The following ATP8A1 variants were observed in gnomAD, a reference collection of about 807,000 sequenced individuals.
ATP8A1 encodes ATPase phospholipid transporting 8A1, also known as phospholipid-transporting ATPase IA.
ATP8A1 carries 90 observed loss-of-function variants against 177.7 expected under a neutral mutation model. That is an observed-to-expected ratio of 0.51 (90% CI 0.43 to 0.60). ATP8A1 has a LOEUF of 0.60. Among genes scored for constraint, ATP8A1 ranks in the 20% least tolerant of loss-of-function variants. The pLI is 0.00. For missense variants in ATP8A1, 1,072 were observed against 1,392.8 expected, an observed-to-expected ratio of 0.77 and a Z score of 3.67; for synonymous variants, 493 against 485.9, an observed-to-expected ratio of 1.01 and a Z score of -0.19.
chr4:42,604,868 A>G (rs1386444686), intron 5 of ATP8A1, among the ~76,000 whole-genome samples: 2 of 152,246 alleles, frequency 1.3e-5, no homozygotes, highest in Non-Finnish European at 2.9e-5. Flanking sequence ...GTGTGGATAC[A>G]ATGACATGAA....
intron 20 of ATP8A1, among the ~76,000 whole-genome samples, chr4:42,528,396 G>A (rs190459327): frequency 1.6e-3 from 250 of 152,270 alleles, no homozygotes; most frequent in African/African-American, 5.2e-3. Context: ...CTTGAAAGAC[G>A]CAGGGGTGGT....
At chr4:42,603,520 G>A (rs1735505322) in intron 5 of ATP8A1, among the ~76,000 whole-genome samples, 1 of 151,878 alleles carries the variant, frequency 6.6e-6, no homozygotes, top group Admixed American at 6.6e-5. Context: ...ATTTCTCTTT[G>A]TGAACAATGC....
chr4:42,569,259 C>T, intron 14 of ATP8A1, 54 bp from the exon 15 acceptor site: 1 of 1,446,760 alleles, frequency 6.9e-7, no homozygotes, highest in African/African-American at 1.4e-5. Flanking sequence ...CACAGAAAGG[C>T]TGGAAACATA....
Position 42,444,722 on chromosome 4 carries a change from T to C in ATP8A1, c.2959-88A>G, listed in dbSNP as rs1028705667. 8.6e-6 allele frequency: 11 copies of C among 1,284,200 alleles called. No homozygotes were observed. The African/African-American group carries it at 1.5e-4, about 17-fold the overall frequency. The allele number at this position is 1,284,200 out of a possible 1,614,324, so 79.6% of individuals were successfully genotyped here. ...AGGATTTATAAAGAACAGAGATCTC[T>C]GAATGTAACTATGGGACTAGGAGAC... On this transcript the variant is annotated intron_variant, in intron 31 of 36. Transcript: ENST00000381668.
At chr4:42,502,058 A>C (rs1311034033) in intron 24 of ATP8A1, among the ~76,000 whole-genome samples, 1 of 150,904 alleles carries the variant, frequency 6.6e-6, no homozygotes, top group East Asian at 1.9e-4. Flanking sequence ...TTTTTTTTTC[A>C]AAAAAGAAGC....
chr4:42,546,065 T>C (rs1214031514), intron 19 of ATP8A1, among the ~76,000 whole-genome samples: 1 of 152,104 alleles, frequency 6.6e-6, no homozygotes, highest in South Asian at 2.1e-4. Context: ...TTTCCTGATA[T>C]GATGGAAGAA....
rs144114751 is a variant in ATP8A1, at chr4:42,608,648, G to A, written c.409+7385C>T. On this transcript the variant is annotated intron_variant, in intron 5 of 36. Coordinates refer to ENST00000381668, the MANE Select transcript of ATP8A1 (RefSeq NM_006095.2). The stretch of plus-strand genomic sequence containing the variant: ...GCTGGGATTACAGGCGTCAGCCACC[G>A]CACCCAGCCTATCATTTCTTAAGTG... Among the ~76,000 whole-genome samples the A allele has an allele frequency of 7.4e-4, 112 of 152,210 alleles. No individual in the cohort carries two copies. In the Middle Eastern group the frequency reaches 0.017, roughly 23 times the overall value.
intron 8 of ATP8A1, among the ~76,000 whole-genome samples, chr4:42,586,818 A>G (rs1456349560): frequency 1.3e-5 from 2 of 152,250 alleles, no homozygotes; most frequent in African/African-American, 4.8e-5. Context: ...GTCTGTCTTC[A>G]GAATCTAAAC....
Position 42,412,746 on chromosome 4 carries a change from C to A in ATP8A1, c.*170G>T. ...AAGAGATGGTGTTACAGTACAGTTG[C>A]ACAGTGCTTATGTCTATAATATACA... On this transcript the variant is annotated 3_prime_UTR_variant, in exon 37 of 37. Coordinates refer to ENST00000381668, the MANE Select transcript of ATP8A1 (RefSeq NM_006095.2). 1 of 557,488 alleles carries A rather than the reference C, an allele frequency of 1.8e-6. No homozygotes were observed. Among genetic ancestry groups the A allele is most frequent in the African/African-American group, 1.9e-5 (1 of 52,488 alleles). The allele number at this position is 557,488 out of a possible 1,614,324, so 34.5% of individuals were successfully genotyped here.
chr4:42,575,669 TGTCTGTGG>T lies in ATP8A1; in HGVS notation c.1151_1158del (p.Pro384HisfsTer9). The T allele has an allele frequency of 6.2e-7, 1 of 1,613,740 alleles. No homozygotes were observed. Among genetic ancestry groups the T allele is most frequent in the South Asian group, 1.1e-5 (1 of 91,078 alleles). On this transcript the variant is annotated frameshift_variant, in exon 13 of 37. Transcript: ENST00000381668. LOFTEE classifies it high-confidence loss of function. ...TTAGATGTTCGAGCCATAGCAGCAG[TGTCTGTGG>T]GTTCATAGTGCATGTCAAGATCCTT...
In ATP8A1 at chr4:42,589,601, A is replaced by G. The variant is rs372621456; in HGVS notation, c.524+1210T>C. 4.6e-5 allele frequency among the ~76,000 whole-genome samples: 7 copies of G among 152,186 alleles called. No individual in the cohort carries two copies. The East Asian group carries it at 9.6e-4, about 21-fold the overall frequency. The stretch of plus-strand genomic sequence containing the variant: ...TCGTAAAAGCTGCTACTTTTCCCCA[A>G]AATTAAGTCCTTCAATATTTATATT... On this transcript the variant is annotated intron_variant, in intron 7 of 36. Coordinates refer to ENST00000381668, the MANE Select transcript of ATP8A1 (RefSeq NM_006095.2).
chr4:42,528,137 A>T (rs1726887180), intron 20 of ATP8A1, among the ~76,000 whole-genome samples: 1 of 152,168 alleles, frequency 6.6e-6, no homozygotes, highest in African/African-American at 2.4e-5. Flanking sequence ...TCTGACTTGC[A>T]GTGGGTCCAG....
chr4:42,503,960 A>C (rs1481242742), intron 23 of ATP8A1, among the ~76,000 whole-genome samples: 1 of 152,084 alleles, frequency 6.6e-6, no homozygotes, highest in Admixed American at 6.5e-5. Context: ...GAATCAGTAC[A>C]TCCTCTACCT....
At chr4:42,426,166 AAG>A (rs1386787911) in intron 33 of ATP8A1, among the ~76,000 whole-genome samples, 1 of 152,236 alleles carries the variant, frequency 6.6e-6, no homozygotes, top group African/African-American at 2.4e-5. Flanking sequence ...CATGACCGAT[AAG>A]AGGGGTTTAC....
chr4:42,644,209 C>T (rs1232330491), intron 1 of ATP8A1, among the ~76,000 whole-genome samples: 2 of 152,132 alleles, frequency 1.3e-5, no homozygotes, highest in Non-Finnish European at 2.9e-5. Flanking sequence ...GAGAGTGGTT[C>T]ACCAACCACA....
At chr4:42,471,876 C>CT (rs1182695804) in intron 25 of ATP8A1, 1 of 621,746 alleles carries the variant, frequency 1.6e-6, no homozygotes, top group African/African-American at 1.8e-5. Flanking sequence ...AAGAGTCCGG[C>CT]ATCTTTCAGG....
chr4:42,423,476 C>T (rs900084614), intron 34 of ATP8A1, 141 bp downstream of exon 34: 5 of 478,884 alleles, frequency 1.0e-5, no homozygotes, highest in African/African-American at 1.0e-4. Context: ...TCCTGAATCA[C>T]CCCTTCCTTA....
chr4:42,451,257 T>C (rs985478012), intron 30 of ATP8A1, among the ~76,000 whole-genome samples: 1 of 152,150 alleles, frequency 6.6e-6, no homozygotes, highest in African/African-American at 2.4e-5. Flanking sequence ...CCTGTACTTA[T>C]AAAGGACTGA....
chr4:42,465,469 G>T (rs1215945833), intron 25 of ATP8A1, among the ~76,000 whole-genome samples: 1 of 152,202 alleles, frequency 6.6e-6, no homozygotes, highest in Non-Finnish European at 1.5e-5. Flanking sequence ...TAAAAGTTTT[G>T]AGCTTCTGCA....
Sources: gnomAD v4.1 joint callset for allele counts (sites outside exome capture counted in the v4.1 genomes callset) on GRCh38, gnomAD v4.1.1 for gene constraint, MANE v1.5 for transcripts, NCBI Gene and HGNC (gene_info 2026-07-23, HGNC 2026-07-21) for gene names.